The following EMB variants were observed in gnomAD, a reference collection of about 807,000 sequenced individuals.
EMB encodes the protein embigin.
EMB carries 31 observed loss-of-function variants against 41.4 expected under a neutral mutation model. The ratio of observed to expected loss-of-function variants is 0.75; its 90% CI spans 0.56 to 1.01. The LOEUF is 1.01. Ranked by LOEUF, EMB falls within the 50% of genes least tolerant of loss-of-function variation. The pLI is 0.00. For synonymous variants in EMB, 137 were observed against 140.4 expected (o/e 0.98, Z 0.17); for missense variants, 379 against 388.3 (o/e 0.98, Z 0.20).
At chr5:50,411,597 T>G in intron 2 of EMB, 1 of 386,908 alleles carries the variant, frequency 2.6e-6, no homozygotes, top group Non-Finnish European at 4.6e-6. Flanking sequence ...ATTAACACAA[T>G]TAAAAAAAAC....
intron 1 of EMB, among the ~76,000 whole-genome samples, chr5:50,439,613 A>G (rs1745863258): frequency 6.6e-6 from 1 of 151,896 alleles, no homozygotes; most frequent in Non-Finnish European, 1.5e-5. Context: ...AGGCCTGGAC[A>G]ATTCTTTATA....
chr5:50,428,270 T>G (rs372110506), intron 1 of EMB, 43 bp from the exon 2 acceptor site: 1 of 1,455,936 alleles, frequency 6.9e-7, no homozygotes, highest in Admixed American at 1.9e-5. Context: ...TTATCAAGAG[T>G]AAATGACTAT....
chr5:50,399,820 T>G (rs777333011), intron 8 of EMB, 39 bp downstream of exon 8: 7 of 1,522,362 alleles, frequency 4.6e-6, no homozygotes, highest in East Asian at 4.5e-5. Flanking sequence ...TATATTGAAT[T>G]TGACCTTTTA....
At position 50,399,855 on chromosome 5, in the gene EMB, T is replaced by G. The variant is rs557454660; in HGVS notation, c.966+4A>C. 1.3e-6 allele frequency: 2 copies of G among 1,598,848 alleles called. No individual in the cohort carries two copies. The highest frequency in any genetic ancestry group is 2.2e-5 in the South Asian group (2 of 89,426). Reference sequence around the variant, plus strand: ...ATTTGGAATATCATTCAGAAGTAACTTACATTTTTTCTATGCCTGGGGACA... The same window carrying G: ...ATTTGGAATATCATTCAGAAGTAACGTACATTTTTTCTATGCCTGGGGACA... On this transcript the variant is annotated splice_donor_region_variant and intron_variant, in intron 8 of 8. Transcript: ENST00000303221.
intron 1 of EMB, among the ~76,000 whole-genome samples, chr5:50,433,526 G>A (rs900233601): frequency 5.3e-5 from 8 of 152,258 alleles, no homozygotes; most frequent in African/African-American, 1.9e-4. Flanking sequence ...AAAGACTGTA[G>A]ATTTGTTAAA....
chr5:50,428,983 C>T (rs540059042), intron 1 of EMB, among the ~76,000 whole-genome samples: 1 of 152,076 alleles, frequency 6.6e-6, no homozygotes, highest in Non-Finnish European at 1.5e-5. Flanking sequence ...GCAACCTCAG[C>T]CTCCCCGGTT....
chr5:50,435,791 TC>T (rs1394589038), intron 1 of EMB, among the ~76,000 whole-genome samples: 9 of 152,188 alleles, frequency 5.9e-5, no homozygotes. Context: ...TTAATTTGCT[TC>T]AGTTGGTACT....
rs1745102271 is a variant in EMB at position 50,398,198 on chromosome 5, C to A, written c.*1075G>T. ...TTAGTATTCATTCAAGCATTGACAA[C>A]TTTTCATGTTGATTCAGATTTTATA... On this transcript the variant is annotated 3_prime_UTR_variant, in exon 9 of 9. Transcript: ENST00000303221. 6.6e-6 allele frequency: 1 copy of A among 151,258 alleles called. No homozygotes were observed. Among genetic ancestry groups the A allele is most frequent in the South Asian group, 2.1e-4 (1 of 4,804 alleles). 9.4% of individuals were successfully genotyped at this position (151,258 alleles called of 1,614,324 possible).
chr5:50,418,033 C>T (rs1382922957), intron 2 of EMB, among the ~76,000 whole-genome samples: 2 of 152,096 alleles, frequency 1.3e-5, no homozygotes, highest in Non-Finnish European at 1.5e-5. Context: ...AACATCATTT[C>T]AAAGAAAAAC....
chr5:50,406,413 AAT>A (rs376636127), intron 4 of EMB, among the ~76,000 whole-genome samples: 13 of 150,484 alleles, frequency 8.6e-5, no homozygotes, highest in South Asian at 2.1e-4. Context: ...GGTTTTGTAA[AAT>A]ATATATATAT....
intron 2 of EMB, among the ~76,000 whole-genome samples, chr5:50,421,011 A>G (rs116689327): frequency 0.01 from 1,534 of 152,342 alleles, 30 homozygotes; most frequent in African/African-American, 0.035. Flanking sequence ...AAAATTACTA[A>G]TCTAGCAGGG....
intron 1 of EMB, among the ~76,000 whole-genome samples, chr5:50,433,544 A>C (rs767134097): frequency 5.4e-4 from 82 of 152,314 alleles, no homozygotes; most frequent in Non-Finnish European, 9.4e-4. Context: ...AAATGTTTCA[A>C]TTGTTAGTCT....
rs781492804 is a variant in EMB at position 50,428,240 on chromosome 5, G to C, written c.113-13C>G. On this transcript the variant is annotated splice_polypyrimidine_tract_variant and intron_variant, in intron 1 of 8. Transcript: ENST00000303221. ...GTAAAAGGCGAATCTATAAGAGAAA[G>C]AACACATGATTACACACTCTTATCA... is the stretch of plus-strand genomic sequence containing the variant. 1 of 1,574,186 alleles carries C rather than the reference G, an allele frequency of 6.4e-7. No individual in the cohort carries two copies. The highest frequency in any genetic ancestry group is 1.7e-5 in the Admixed American group (1 of 59,574).
chr5:50,414,851 A>G (rs1745403187), intron 2 of EMB, among the ~76,000 whole-genome samples: 1 of 152,182 alleles, frequency 6.6e-6, no homozygotes, highest in Non-Finnish European at 1.5e-5. Context: ...TTTGCTAGCC[A>G]CACCAAATTA....
chr5:50,431,112 C>A (rs1324786458), intron 1 of EMB, among the ~76,000 whole-genome samples: 1 of 152,188 alleles, frequency 6.6e-6, no homozygotes, highest in Non-Finnish European at 1.5e-5. Flanking sequence ...ACTTCATATT[C>A]CCTTTAAGGC....
chr5:50,403,538 T>C, intron 5 of EMB, 84 bp from the exon 6 acceptor site: 1 of 1,425,878 alleles, frequency 7.0e-7, no homozygotes. Flanking sequence ...AGCTATAAGA[T>C]AATGCCAACA....
intron 4 of EMB, among the ~76,000 whole-genome samples, chr5:50,408,957 T>C (rs1229980177): frequency 6.6e-6 from 1 of 152,068 alleles, no homozygotes; most frequent in Non-Finnish European, 1.5e-5. Flanking sequence ...TTTATAAATA[T>C]CTTCAAGATA....
In EMB at chr5:50,397,539, C is replaced by G. The variant is rs1167570565; in HGVS notation, c.*1734G>C. 6.6e-6 allele frequency: 1 copy of G among 152,014 alleles called. No homozygotes were observed. Among genetic ancestry groups the G allele is most frequent in the East Asian group, 1.9e-4 (1 of 5,178 alleles). The allele number at this position is 152,014 out of a possible 1,614,324, so 9.4% of individuals were successfully genotyped here. A position where few individuals can be genotyped will look rare whatever the true frequency, so the allele number is the denominator to read the frequency against. On this transcript the variant is annotated 3_prime_UTR_variant, in exon 9 of 9. Coordinates refer to ENST00000303221, the MANE Select transcript of EMB (RefSeq NM_198449.3). ...GATGGGTTACACATTTGTTTGTGTT[C>G]TATATTCCAAGTCACAAATACACTG...
intron 1 of EMB, among the ~76,000 whole-genome samples, chr5:50,438,888 T>C (rs1326472267): frequency 2.0e-5 from 3 of 151,818 alleles, no homozygotes; most frequent in African/African-American, 7.3e-5. Flanking sequence ...TATTCCACTT[T>C]CATTTGTTTC....
Sources: allele counts gnomAD v4.1 joint callset (sites outside exome capture counted in the v4.1 genomes callset), GRCh38; gene constraint gnomAD v4.1.1; transcripts MANE v1.5; gene names NCBI Gene and HGNC (gene_info 2026-07-23, HGNC 2026-07-21).